The following CRACD variants were observed in gnomAD, a reference collection of about 807,000 sequenced individuals.
The protein encoded by CRACD is capping protein-inhibiting regulator of actin dynamics.
Under a neutral mutation model 106.8 loss-of-function variants are expected in CRACD, and 56 were observed. That is an observed-to-expected ratio of 0.52 (90% CI 0.42 to 0.66). The LOEUF (loss-of-function observed/expected upper bound fraction) is 0.66, where lower values mean the gene tolerates loss of function less well. CRACD is among the 30% of genes least tolerant of loss of function. The pLI is 0.00. For synonymous variants in CRACD, 754 were observed against 670.8 expected, an observed-to-expected ratio of 1.12 and a Z score of -1.92; for missense variants, 1,730 against 1,623.2, an observed-to-expected ratio of 1.07 and a Z score of -1.13.
chr4:56,079,962 C>T (rs991606549), intron 1 of CRACD, among the ~76,000 whole-genome samples: 1 of 152,108 alleles, frequency 6.6e-6, no homozygotes, highest in African/African-American at 2.4e-5. Flanking sequence ...AAGATTGCAA[C>T]ATAGAAATAC....
chr4:56,143,861 T>G (rs1208699289), intron 1 of CRACD, among the ~76,000 whole-genome samples: 1 of 152,204 alleles, frequency 6.6e-6, no homozygotes, highest in African/African-American at 2.4e-5. Flanking sequence ...GATTATGAGA[T>G]CTCTGCTCTC....
At position 56,317,527 on chromosome 4, in the gene CRACD, G is replaced by A. The variant is rs564864420; in HGVS notation, c.3187+838G>A. Among the ~76,000 whole-genome samples the A allele has an allele frequency of 2.6e-5, 4 of 152,298 alleles. No homozygotes were observed. The East Asian group carries it at 7.7e-4, about 29-fold the overall frequency. ...AATTGAAATAATAATCCCAACGACT[G>A]AAGATGTCATTAACCATTTTGAGGG... is the stretch of plus-strand genomic sequence containing the variant. On this transcript the variant is annotated intron_variant, in intron 8 of 10. Transcript: ENST00000682029.
chr4:56,140,681 A>G (rs1055045383), intron 1 of CRACD, among the ~76,000 whole-genome samples: 3 of 152,222 alleles, frequency 2.0e-5, no homozygotes, highest in African/African-American at 2.4e-5. Flanking sequence ...AATCCTGAAC[A>G]GCGTTGTCAG....
intron 1 of CRACD, among the ~76,000 whole-genome samples, chr4:56,172,018 C>CTTTTTTTTTT (rs1736388327): frequency 2.7e-5 from 1 of 37,036 alleles, no homozygotes; most frequent in Admixed American, 3.3e-4. Context: ...TTGAGGGTTT[C>CTTTTTTTTTT]TCTTTTTTTT....
chr4:56,123,485 C>T (rs571484427), intron 1 of CRACD, among the ~76,000 whole-genome samples: 1 of 152,180 alleles, frequency 6.6e-6, no homozygotes, highest in Admixed American at 6.5e-5. Flanking sequence ...TCTCTTTGAC[C>T]ATGATCTTAT....
At chr4:56,132,309 G>A (rs1395493966) in intron 1 of CRACD, among the ~76,000 whole-genome samples, 1 of 151,864 alleles carries the variant, frequency 6.6e-6, no homozygotes, top group Non-Finnish European at 1.5e-5. Flanking sequence ...CAAAGTGCTG[G>A]GATTACAGAC....
At chr4:56,311,975 GGTT>G (rs1745186136) in intron 6 of CRACD, among the ~76,000 whole-genome samples, 1 of 152,088 alleles carries the variant, frequency 6.6e-6, no homozygotes, top group South Asian at 2.1e-4. Flanking sequence ...CTTCATCTGA[GGTT>G]GTGTTTTTTT....
At chr4:56,199,237 G>C (rs1370237589) in intron 2 of CRACD, among the ~76,000 whole-genome samples, 1 of 152,200 alleles carries the variant, frequency 6.6e-6, no homozygotes, top group Middle Eastern at 3.2e-3. Context: ...GTAGCAAACT[G>C]AAAGTAGAAG....
rs1322607805 is a variant in CRACD, at chr4:56,316,200, C to T, written c.2698C>T (p.Leu900Phe). 6.2e-7 allele frequency: 1 copy of T among 1,614,156 alleles called. No homozygotes were observed. The change falls in exon 8 of 11, where the codon CTC becomes TTC. Residue 900 changes from leucine (L) to phenylalanine (F), a missense_variant. This residue lies in a region of CRACD where 1,620 missense variants were observed against 1,481.6 expected (regional missense o/e 1.09). Coordinates refer to ENST00000682029, the MANE Select transcript of CRACD (RefSeq NM_001393381.1). ...AGAGAAAGAGATGGAGGGTGTGGCC[C>T]TCAAGCATGGTCCATCCCTCCCCCA... is the stretch of plus-strand genomic sequence containing the variant. The part of the protein sequence containing the change: ...RGEKEMEGVA[L>F]KHGPSLPQER...
intron 2 of CRACD, among the ~76,000 whole-genome samples, chr4:56,267,480 G>A (rs1742091503): frequency 6.6e-6 from 1 of 152,158 alleles, no homozygotes; most frequent in Admixed American, 6.5e-5. Context: ...TTTTGGAAAT[G>A]AGGAAGGGGA....
intron 3 of CRACD, among the ~76,000 whole-genome samples, chr4:56,277,184 A>C (rs548790309): frequency 1.3e-5 from 2 of 152,310 alleles, no homozygotes; most frequent in African/African-American, 4.8e-5. Context: ...AAGATATCAC[A>C]AGAAAAAAAC....
At chr4:56,235,717 G>A (rs890490668) in intron 2 of CRACD, among the ~76,000 whole-genome samples, 5 of 152,150 alleles carry the variant, frequency 3.3e-5, no homozygotes, top group African/African-American at 9.7e-5. Flanking sequence ...TGAAACAAAG[G>A]TCTAAGCAAC....
In CRACD at chr4:56,315,299, G is replaced by C; in HGVS notation, c.1797G>C (p.Thr599=). 1.2e-6 allele frequency: 2 copies of C among 1,613,674 alleles called. No individual in the cohort carries two copies. Among genetic ancestry groups the C allele is most frequent in the Non-Finnish European group, 1.7e-6 (2 of 1,179,898 alleles). ...LSVPHTAILV[T]GAQLCGPAVN... ...TTCCCCACACCGCCATTCTGGTCAC[G>C]GGCGCGCAGCTCTGTGGCCCGGCAG... The change falls in exon 8 of 11, where the codon ACG becomes ACC. Residue 599 remains threonine (T), a synonymous_variant. Transcript: ENST00000682029. The surrounding 1 kb of genome is among the most constrained non-coding windows in gnomAD (Gnocchi z 4.1).
intron 2 of CRACD, among the ~76,000 whole-genome samples, chr4:56,239,616 C>T (rs1201908204): frequency 3.9e-5 from 6 of 152,048 alleles, no homozygotes; most frequent in Admixed American, 6.6e-5. Context: ...ATTTAATAAG[C>T]AGGACTGAAC....
rs1355649127 is a variant in CRACD at position 56,323,490 on chromosome 4, C to A, written c.3301C>A (p.Arg1101=). 3.1e-6 allele frequency: 5 copies of A among 1,609,072 alleles called. No homozygotes were observed. The East Asian group carries it at 1.1e-4, about 36-fold the overall frequency. ...TLALQKQKGF[R]EQQATREERK... Reference sequence around the variant, plus strand: ...AGCACTGCAAAAGCAAAAGGGGTTTCGGGAGCAGCAGGCGACGCGGGAGGA... The same window carrying A: ...AGCACTGCAAAAGCAAAAGGGGTTTAGGGAGCAGCAGGCGACGCGGGAGGA... Residue 1101 remains arginine (R), a synonymous_variant, in exon 9 of 11, where the codon CGG becomes AGG. Transcript: ENST00000682029.
chr4:56,090,419 A>G (rs1733387563), intron 1 of CRACD, among the ~76,000 whole-genome samples: 1 of 151,590 alleles, frequency 6.6e-6, no homozygotes, highest in South Asian at 2.1e-4. Flanking sequence ...TTTTTTTGAG[A>G]CAGGATCTCA....
chr4:56,071,922 T>C (rs1732666882), intron 1 of CRACD, among the ~76,000 whole-genome samples: 1 of 151,442 alleles, frequency 6.6e-6, no homozygotes, highest in Non-Finnish European at 1.5e-5. Context: ...GGTCAGGAGA[T>C]CGAGACCATC....
At chr4:56,172,128 T>C (rs935468608) in intron 1 of CRACD, among the ~76,000 whole-genome samples, 17 of 150,656 alleles carry the variant, frequency 1.1e-4, no homozygotes, top group African/African-American at 3.2e-4. Context: ...CTTCTGTTAG[T>C]TGGGGAGTCG....
intron 10 of CRACD, among the ~76,000 whole-genome samples, chr4:56,325,006 G>GTA (rs1006277169): frequency 8.5e-5 from 13 of 152,120 alleles, no homozygotes; most frequent in Admixed American, 1.3e-4. Flanking sequence ...CAAGTATGGT[G>GTA]TATATATATA....
Sources: gnomAD v4.1 joint callset for allele counts (sites outside exome capture counted in the v4.1 genomes callset) on GRCh38, gnomAD v4.1.1 for gene constraint, gnomAD v4.1.1 regional missense constraint, Gnocchi (gnomAD v3.1) non-coding constraint, MANE v1.5 for transcripts, NCBI Gene and HGNC (gene_info 2026-07-23, HGNC 2026-07-21) for gene names.